The following HEATR4 variants were observed in gnomAD, a reference collection of about 807,000 sequenced individuals.
HEATR4 encodes HEAT repeat containing 4, also known as HEAT repeat-containing protein 4.
HEATR4 carries 95 observed loss-of-function variants against 108.8 expected under a neutral mutation model. The ratio of observed to expected loss-of-function variants is 0.87; its 90% CI spans 0.74 to 1.04. The LOEUF (loss-of-function observed/expected upper bound fraction) is 1.04, where lower values mean the gene tolerates loss of function less well. Among genes scored for constraint, HEATR4 ranks in the 50% least tolerant of loss-of-function variants. The probability of loss-of-function intolerance (pLI) is 0.00; values close to 1 mark genes in which losing one functional copy is unlikely to be tolerated. For synonymous variants in HEATR4, 443 were observed against 459.4 expected (o/e 0.96, Z 0.46); for missense variants, 1,152 against 1,253.8 (o/e 0.92, Z 1.23).
At chr14:73,506,804 G>GTTTTTTTTGTTTTTTT (rs1886866132) in intron 9 of HEATR4, among the ~76,000 whole-genome samples, 1 of 80,522 alleles carries the variant, frequency 1.2e-5, no homozygotes, top group East Asian at 5.8e-4. Flanking sequence ...GACTTTAACT[G>GTTTTTTTTGTTTTTTT]TTTTTTTTTT....
chr14:73,542,711 A>G (rs1393922113), intron 1 of HEATR4, among the ~76,000 whole-genome samples: 1 of 111,946 alleles, frequency 8.9e-6, no homozygotes, highest in Non-Finnish European at 1.9e-5. Context: ...CGGCCATGAG[A>G]TGACGTACTT....
At chr14:73,574,603 T>C in the HEATR4 span, among the ~76,000 whole-genome samples, 2 of 152,094 alleles carry the variant, frequency 1.3e-5, no homozygotes, top group South Asian at 4.2e-4. Flanking sequence ...AGTTTAGTTA[T>C]GACAGTGGGA....
At chr14:73,623,392 C>G in the HEATR4 span, among the ~76,000 whole-genome samples, 1 of 152,136 alleles carries the variant, frequency 6.6e-6, no homozygotes, top group Non-Finnish European at 1.5e-5. Flanking sequence ...CATGTTGAAA[C>G]TTGATCCCCA....
At chr14:73,488,051 A>C (rs1412379512) in intron 17 of HEATR4, among the ~76,000 whole-genome samples, 1 of 152,194 alleles carries the variant, frequency 6.6e-6, no homozygotes, top group Non-Finnish European at 1.5e-5. Context: ...GAGTAGGGTG[A>C]TGACAGGTTT....
rs1223238593 is a variant in HEATR4 at position 73,556,438 on chromosome 14, CAAAA to C, written c.-152+2309_-152+2312del. 1.9e-5 allele frequency among the ~76,000 whole-genome samples: 2 copies of C among 107,022 alleles called. 1 individual carries two copies. Among genetic ancestry groups the C allele is most frequent in the Non-Finnish European group, 4.1e-5 (2 of 49,190 alleles). The allele number at this position is 107,022 out of a possible 152,430, so 70.2% of individuals were successfully genotyped here. ...GAAACTTCTTCTCAAAAAAAAAAAA[CAAAA>C]AAAACTTAAGGAATAGTTATTATCA... On this transcript the variant is annotated intron_variant, in intron 1 of 17. Transcript: ENST00000553558.
At chr14:73,568,952 G>A in the HEATR4 span, 2 of 482,674 alleles carry the variant, frequency 4.1e-6, no homozygotes, top group Non-Finnish European at 7.5e-6. Flanking sequence ...CTCCAGCTCT[G>A]CATTCCTCTT....
intron 17 of HEATR4, among the ~76,000 whole-genome samples, chr14:73,480,334 G>A (rs375035650): frequency 1.3e-5 from 2 of 152,050 alleles, no homozygotes; most frequent in Non-Finnish European, 2.9e-5. Flanking sequence ...TCAGCTACTC[G>A]GGAGGCTGAG....
intron 17 of HEATR4, among the ~76,000 whole-genome samples, chr14:73,487,423 G>A (rs1214500017): frequency 6.6e-6 from 1 of 152,068 alleles, no homozygotes; most frequent in African/African-American, 2.4e-5. Context: ...AAAATTAGTT[G>A]GGCATGGTAG....
At chr14:73,557,369 GT>G (rs1325350099) in intron 1 of HEATR4, among the ~76,000 whole-genome samples, 1 of 109,476 alleles carries the variant, frequency 9.1e-6, no homozygotes, top group Admixed American at 1.1e-4. Flanking sequence ...TCCAAATTTA[GT>G]TCCACTTTTC....
chr14:73,514,068 C>T lies in HEATR4; in HGVS notation c.1377G>A (p.Arg459=). The T allele has an allele frequency of 6.2e-7, 1 of 1,614,230 alleles. No homozygotes were observed. ...EDVTWELVVL[R]RMLKEWKTAW... is the part of the protein sequence containing the mutation. Reference sequence around the variant, plus strand: ...CAGTCTTCCATTCCTTCAGCATCCTCCGCAGGACCACCAGTTCCCAGGTCA... The same window carrying T: ...CAGTCTTCCATTCCTTCAGCATCCTTCGCAGGACCACCAGTTCCCAGGTCA... Residue 459 remains arginine (R), a synonymous_variant, in exon 6 of 18, where the codon CGG becomes CGA. Coordinates refer to ENST00000553558, the MANE Select transcript of HEATR4 (RefSeq NM_001220484.1).
rs1317181908 is a variant in HEATR4 at position 73,509,429 on chromosome 14, C to G, written c.1603G>C (p.Glu535Gln). ...GCATTCTTGTCACAAAGAGCAGCCT[C>G]TAGGGCAGGCAGTAGAACCTCCGGC... is the stretch of plus-strand genomic sequence containing the variant. ...DLPEVLLPAL[E>Q]AALCDKNAHV... Residue 535 changes from glutamate to glutamine, a missense_variant, in exon 8 of 18, where the codon GAG (glutamate) becomes CAG (glutamine). Transcript: ENST00000553558. The G allele has an allele frequency of 6.2e-7, 1 of 1,613,952 alleles. No homozygotes were observed. The highest frequency in any genetic ancestry group is 1.7e-5 in the Admixed American group (1 of 59,980).
chr14:73,632,162 T>TG, the HEATR4 span: 34,095 of 150,838 alleles, frequency 0.23, 5,159 homozygotes, highest in Non-Finnish European at 0.34. Flanking sequence ...TTTGTAGAGA[T>TG]GGGGGTCTCG....
At chr14:73,531,381 TATTG>T (rs1192216166) in intron 1 of HEATR4, among the ~76,000 whole-genome samples, 3 of 112,410 alleles carry the variant, frequency 2.7e-5, no homozygotes, top group Non-Finnish European at 5.8e-5. Context: ...GCATCTTATT[TATTG>T]ATTATTTATT....
At chr14:73,591,718 C>T in the HEATR4 span, 1 of 399,694 alleles carries the variant, frequency 2.5e-6, no homozygotes, top group Non-Finnish European at 4.4e-6. Flanking sequence ...GGGCGCCACA[C>T]CTTGCGCGCC....
At chr14:73,481,610 CGCGG>C (rs1885261000) in intron 17 of HEATR4, among the ~76,000 whole-genome samples, 1 of 151,252 alleles carries the variant, frequency 6.6e-6, no homozygotes, top group South Asian at 2.1e-4. Flanking sequence ...GGGAGGCCGA[CGCGG>C]GCGGATCACG....
At chr14:73,578,576 C>A in the HEATR4 span, among the ~76,000 whole-genome samples, 3 of 151,946 alleles carry the variant, frequency 2.0e-5, no homozygotes, top group African/African-American at 7.2e-5. Flanking sequence ...TTTTTATTTT[C>A]AACCCATGCA....
chr14:73,512,953 C>T (rs530444488), intron 6 of HEATR4, among the ~76,000 whole-genome samples: 2 of 152,170 alleles, frequency 1.3e-5, no homozygotes, highest in Admixed American at 1.3e-4. Context: ...TTTCAACAGT[C>T]CTTGCCAGGC....
At chr14:73,543,043 T>C in intron 1 of HEATR4, 1 of 1,336,550 alleles carries the variant, frequency 7.5e-7, no homozygotes, top group Non-Finnish European at 1.0e-6. Flanking sequence ...CTTTGTCCCT[T>C]TCTCAGGTAA....
rs1415969563 is a variant in HEATR4, at chr14:73,539,090, G to T, written c.-151-8846C>A. ...TTTTTAATAAAAAGAATTCCAACTG[G>T]TTTTCTCACTGTATTTCCATGGCAG... On this transcript the variant is annotated intron_variant, in intron 1 of 17. Transcript: ENST00000553558. 1.4e-4 allele frequency: 16 copies of T among 115,560 alleles called. 1 individual carries two copies. The highest frequency in any genetic ancestry group is 4.5e-4 in the African/African-American group (16 of 35,596). 7.2% of individuals were successfully genotyped at this position (115,560 alleles called of 1,614,324 possible).
Sources: allele counts gnomAD v4.1 joint callset (sites outside exome capture counted in the v4.1 genomes callset), GRCh38; gene constraint gnomAD v4.1.1; transcripts MANE v1.5; gene names NCBI Gene and HGNC (gene_info 2026-07-23, HGNC 2026-07-21).